The following KDM2A variants were observed in gnomAD, a reference collection of about 807,000 sequenced individuals.
The protein encoded by KDM2A is lysine demethylase 2A, also known as lysine-specific demethylase 2A.
Under a neutral mutation model 137.3 loss-of-function variants are expected in KDM2A, and 3 were observed. The observed-to-expected ratio is 0.02, with a 90% confidence interval of 0.01 to 0.06. The LOEUF is 0.06. Among genes scored for constraint, KDM2A ranks in the 10% least tolerant of loss-of-function variants. The probability of loss-of-function intolerance (pLI) is 1.00; values close to 1 mark genes in which losing one functional copy is unlikely to be tolerated. For synonymous variants in KDM2A, 512 were observed against 541.5 expected (o/e 0.95, Z 0.76); for missense variants, 738 against 1,510.6 (o/e 0.49, Z 8.48).
chr11:67,141,695 A>G (rs949045936), intron 2 of KDM2A, among the ~76,000 whole-genome samples: 2 of 144,392 alleles, frequency 1.4e-5, no homozygotes, highest in Non-Finnish European at 3.0e-5. Context: ...ATATATATAT[A>G]TATATATATA....
At chr11:67,252,392 CTG>C (rs1859456166) in intron 17 of KDM2A, 1 of 395,428 alleles carries the variant, frequency 2.5e-6, no homozygotes, top group African/African-American at 2.1e-5. Flanking sequence ...GGGCTATAGA[CTG>C]TTGCTTGCTA....
intron 12 of KDM2A, among the ~76,000 whole-genome samples, chr11:67,234,233 G>A (rs1043447942): frequency 6.6e-6 from 1 of 152,176 alleles, no homozygotes; most frequent in African/African-American, 2.4e-5. Flanking sequence ...CATTAGATTG[G>A]GTAGCTGCTG....
chr11:67,203,041 G>A (rs557490263), intron 5 of KDM2A, among the ~76,000 whole-genome samples: 4 of 150,812 alleles, frequency 2.7e-5, no homozygotes, highest in Non-Finnish European at 4.4e-5. Flanking sequence ...ACACTTCAGC[G>A]AAAGAAAAAG....
chr11:67,184,000 G>A (rs1054127771), intron 5 of KDM2A, among the ~76,000 whole-genome samples: 6 of 150,804 alleles, frequency 4.0e-5, no homozygotes, highest in Admixed American at 6.6e-5. Context: ...TCCCAGCTAC[G>A]TGGGGGGCAA....
chr11:67,127,934 G>T (rs575873506), intron 2 of KDM2A, among the ~76,000 whole-genome samples: 5 of 149,872 alleles, frequency 3.3e-5, no homozygotes, highest in Non-Finnish European at 7.4e-5. Flanking sequence ...TCAAACTCCC[G>T]ACCTCAGGCA....
chr11:67,225,846 C>T (rs1858525881), intron 10 of KDM2A, among the ~76,000 whole-genome samples: 2 of 151,986 alleles, frequency 1.3e-5, no homozygotes, highest in South Asian at 4.1e-4. Flanking sequence ...AGGTGGATCA[C>T]CTGAGGTCAG....
chr11:67,131,295 G>T (rs894499918), intron 2 of KDM2A, among the ~76,000 whole-genome samples: 1 of 151,938 alleles, frequency 6.6e-6, no homozygotes, highest in Admixed American at 6.6e-5. Flanking sequence ...TCGCACTCCA[G>T]CCTGGGTGAC....
chr11:67,174,265 A>AG, intron 2 of KDM2A, among the ~76,000 whole-genome samples: 1 of 152,190 alleles, frequency 6.6e-6, no homozygotes, highest in South Asian at 2.1e-4. Flanking sequence ...CTCAAAAAAA[A>AG]GAAAGAAACC....
rs764157007 is a variant in KDM2A at position 67,245,300 on chromosome 11, C to T, written c.1675C>T (p.Pro559Ser). The T allele has an allele frequency of 1.9e-6, 3 of 1,613,918 alleles. No homozygotes were observed. Among genetic ancestry groups the T allele is most frequent in the Non-Finnish European group, 2.5e-6 (3 of 1,179,906 alleles). The change falls in exon 14 of 21, where the codon CCG becomes TCG. Residue 559 changes from proline (P) to serine (S), a missense_variant. Around this residue, in one of 9 missense-constraint regions of KDM2A, gnomAD observed 71 missense variants for 147.9 expected, o/e 0.48. Transcript: ENST00000529006. The surrounding 1 kb of genome is among the most constrained non-coding windows in gnomAD (Gnocchi z 4.1). ...ACCTGTGAGGCCAGCTGCTGCCTCC[C>T]CGATTGTGTCAGGAGCCAGACGGAG... ...LTPVRPAAAS[P>S]IVSGARRRRV...
At chr11:67,236,545 C>T (rs557135566) in intron 12 of KDM2A, among the ~76,000 whole-genome samples, 10 of 152,232 alleles carry the variant, frequency 6.6e-5, no homozygotes, top group Admixed American at 3.3e-4. Context: ...ATATATCTGG[C>T]GGCCCAGCTC....
At position 67,244,114 on chromosome 11, in the gene KDM2A, C is replaced by T. The variant is rs555532754; in HGVS notation, c.1563+1022C>T. On this transcript the variant is annotated intron_variant, in intron 13 of 20. Transcript: ENST00000529006. ...TATATTTAGAGAATCACCTCCTCGTCCCTAGTGGGAGGAGTCCTGCTTGGC... is the reference window on the plus strand; with the variant it reads ...TATATTTAGAGAATCACCTCCTCGTTCCTAGTGGGAGGAGTCCTGCTTGGC... 3.3e-5 allele frequency among the ~76,000 whole-genome samples: 5 copies of T among 152,268 alleles called. No homozygotes were observed. In the East Asian group the frequency reaches 9.7e-4, roughly 29 times the overall value.
intron 8 of KDM2A, 81 bp downstream of exon 8, chr11:67,216,030 C>A: frequency 1.0e-6 from 1 of 989,772 alleles, no homozygotes; most frequent in Non-Finnish European, 1.6e-6. Context: ...CTTAATATAC[C>A]CTGGAAATGA....
intron 15 of KDM2A, among the ~76,000 whole-genome samples, chr11:67,247,065 A>ATTTTT (rs1443490093): frequency 5.6e-3 from 154 of 27,548 alleles, no homozygotes; most frequent in African/African-American, 0.019. Flanking sequence ...ATATATATAT[A>ATTTTT]TATATATTTT....
At chr11:67,229,122 T>A (rs189305873) in intron 11 of KDM2A, among the ~76,000 whole-genome samples, 1 of 152,348 alleles carries the variant, frequency 6.6e-6, no homozygotes, top group East Asian at 1.9e-4. Flanking sequence ...GGCACTATAC[T>A]AAGCAATTTA....
intron 2 of KDM2A, among the ~76,000 whole-genome samples, chr11:67,154,082 C>T (rs574716765): frequency 2.6e-5 from 4 of 152,050 alleles, no homozygotes; most frequent in Non-Finnish European, 4.4e-5. Flanking sequence ...TTTCCAATGT[C>T]CTAAATAAAA....
At chr11:67,195,658 G>T (rs915335004) in intron 5 of KDM2A, 1 of 156,014 alleles carries the variant, frequency 6.4e-6, no homozygotes, top group Non-Finnish European at 1.4e-5. Flanking sequence ...AGTTGTTCAT[G>T]CTCTATGCAG....
rs974322117 is a variant in KDM2A, at chr11:67,257,630, TAAC to T, written c.*2576_*2578del. On this transcript the variant is annotated 3_prime_UTR_variant, in exon 21 of 21. Coordinates refer to ENST00000529006, the MANE Select transcript of KDM2A (RefSeq NM_012308.3). The stretch of plus-strand genomic sequence containing the variant: ...TAAAATCACTTGGTGATTAAAAAAA[TAAC>T]TGCTCCATAAATAAAACTCCTAAAG... 1 of 152,274 alleles carries T rather than the reference TAAC, an allele frequency of 6.6e-6. No individual in the cohort carries two copies. Among genetic ancestry groups the T allele is most frequent in the Non-Finnish European group, 1.5e-5 (1 of 68,010 alleles). The allele number at this position is 152,274 out of a possible 1,614,324, so 9.4% of individuals were successfully genotyped here. A position where few individuals can be genotyped will look rare whatever the true frequency, so the allele number is the denominator to read the frequency against.
Position 67,255,360 on chromosome 11 carries a change from G to C in KDM2A, c.*305G>C. The C allele has an allele frequency of 4.3e-6, 2 of 462,866 alleles. No individual in the cohort carries two copies. The highest frequency in any genetic ancestry group is 3.6e-5 in the South Asian group (2 of 55,502). 28.7% of individuals were successfully genotyped at this position (462,866 alleles called of 1,614,324 possible). A position where few individuals can be genotyped will look rare whatever the true frequency, so the allele number is the denominator to read the frequency against. Reference sequence around the variant, plus strand: ...CAGGAGGCCGGGCTCTCAGTTTGGGGTGTTTGTGCAACCTTCATCTGCACT... The same window carrying C: ...CAGGAGGCCGGGCTCTCAGTTTGGGCTGTTTGTGCAACCTTCATCTGCACT... On this transcript the variant is annotated 3_prime_UTR_variant, in exon 21 of 21. Coordinates refer to ENST00000529006, the MANE Select transcript of KDM2A (RefSeq NM_012308.3).
At chr11:67,189,926 A>T (rs866927264) in intron 5 of KDM2A, among the ~76,000 whole-genome samples, 1 of 152,194 alleles carries the variant, frequency 6.6e-6, no homozygotes, top group Admixed American at 6.5e-5. Flanking sequence ...AACTAGAAAA[A>T]GGACAAACTA....
Sources: gnomAD v4.1 joint callset for allele counts (sites outside exome capture counted in the v4.1 genomes callset) on GRCh38, gnomAD v4.1.1 for gene constraint, gnomAD v4.1.1 regional missense constraint, Gnocchi (gnomAD v3.1) non-coding constraint, MANE v1.5 for transcripts, NCBI Gene and HGNC (gene_info 2026-07-23, HGNC 2026-07-21) for gene names.